TENM3: variants seen among roughly 807,000 people sequenced by gnomAD.
TENM3 encodes teneurin-3.
Under a neutral mutation model 255.1 loss-of-function variants are expected in TENM3, and 63 were observed. That is an observed-to-expected ratio of 0.25 (90% confidence interval 0.20 to 0.30). The LOEUF is 0.30. TENM3 is among the 10% of genes least tolerant of loss of function. TENM3 has a pLI of 1.00. For missense variants in TENM3, 2,929 were observed against 3,461.1 expected, an observed-to-expected ratio of 0.85 and a Z score of 3.86; for synonymous variants, 1,306 against 1,322.3, an observed-to-expected ratio of 0.99 and a Z score of 0.27.
intron 1 of TENM3, among the ~76,000 whole-genome samples, chr4:182,157,780 C>G (rs1321607483): frequency 6.6e-6 from 1 of 152,106 alleles, no homozygotes; most frequent in Non-Finnish European, 1.5e-5. Context: ...AAGGGCGTTC[C>G]AGGAGAGGGA....
At chr4:182,386,786 C>T (rs545320290) in intron 3 of TENM3, among the ~76,000 whole-genome samples, 4 of 152,350 alleles carry the variant, frequency 2.6e-5, no homozygotes, top group South Asian at 2.1e-4. Flanking sequence ...GCTGCCTTCC[C>T]GCGGGGCAGG....
chr4:181,669,867 T>G, the TENM3 span, among the ~76,000 whole-genome samples: 60,653 of 151,950 alleles, frequency 0.4, 12,520 homozygotes, highest in African/African-American at 0.48. Flanking sequence ...CTTCGGTGTG[T>G]ATCAGCCTGC....
the TENM3 span, among the ~76,000 whole-genome samples, chr4:181,875,725 G>A: frequency 5.3e-5 from 8 of 152,130 alleles, no homozygotes; most frequent in Admixed American, 3.3e-4. Flanking sequence ...GATGGACAGA[G>A]GCCATAAAGT....
At chr4:182,591,196 T>C (rs1746605454) in intron 3 of TENM3, among the ~76,000 whole-genome samples, 1 of 152,140 alleles carries the variant, frequency 6.6e-6, no homozygotes. Flanking sequence ...TTAGGTAATC[T>C]AGGTTGCCGC....
intron 3 of TENM3, among the ~76,000 whole-genome samples, chr4:182,593,688 G>C (rs903383017): frequency 6.6e-6 from 1 of 152,158 alleles, no homozygotes; most frequent in Non-Finnish European, 1.5e-5. Flanking sequence ...GTGCACACCT[G>C]CTGAAAGCGA....
chr4:181,533,577 C>T, the TENM3 span, among the ~76,000 whole-genome samples: 233 of 152,240 alleles, frequency 1.5e-3, 1 homozygote, highest in Middle Eastern at 3.4e-3. Flanking sequence ...ATACGATCTT[C>T]CACTGGGGTC....
the TENM3 span, among the ~76,000 whole-genome samples, chr4:181,752,740 C>T: frequency 1.3e-5 from 2 of 150,794 alleles, no homozygotes; most frequent in Non-Finnish European, 2.9e-5. Context: ...ATGAAAAAGT[C>T]AAGTCAGCAG....
chr4:182,503,179 G>A (rs143834929), intron 3 of TENM3, among the ~76,000 whole-genome samples: 99 of 152,178 alleles, frequency 6.5e-4, no homozygotes, highest in African/African-American at 2.2e-3. Context: ...GTGGTTTCTT[G>A]CTTTGGGTGA....
At chr4:182,147,012 G>T (rs1432257993) in intron 1 of TENM3, among the ~76,000 whole-genome samples, 1 of 152,092 alleles carries the variant, frequency 6.6e-6, no homozygotes, top group Admixed American at 6.5e-5. Flanking sequence ...GAAAGATAAG[G>T]ATGCTTATCT....
intron 1 of TENM3, among the ~76,000 whole-genome samples, chr4:182,299,145 G>A (rs888790723): frequency 6.6e-6 from 1 of 151,858 alleles, no homozygotes; most frequent in Non-Finnish European, 1.5e-5. Flanking sequence ...AAAAACACCA[G>A]ATTATCTAAT....
At chr4:182,518,093 A>G (rs1341578589) in intron 3 of TENM3, among the ~76,000 whole-genome samples, 2 of 152,078 alleles carry the variant, frequency 1.3e-5, no homozygotes, top group African/African-American at 4.8e-5. Flanking sequence ...GAAGCCTTCA[A>G]TTCATATTCA....
the TENM3 span, among the ~76,000 whole-genome samples, chr4:181,960,115 CT>C: frequency 6.6e-6 from 1 of 152,262 alleles, no homozygotes; most frequent in African/African-American, 2.4e-5. Flanking sequence ...TCATTGACAT[CT>C]TTTAAAAGAA....
At chr4:182,482,061 A>T (rs575320416) in intron 3 of TENM3, among the ~76,000 whole-genome samples, 73 of 152,266 alleles carry the variant, frequency 4.8e-4, no homozygotes, top group African/African-American at 1.6e-3. Context: ...TTAAACTTAT[A>T]CTTCAGTTTT....
intron 3 of TENM3, among the ~76,000 whole-genome samples, chr4:182,474,784 C>T (rs886723147): frequency 1.5e-4 from 23 of 152,116 alleles, no homozygotes; most frequent in African/African-American, 5.6e-4. Context: ...ATGCTTTCTT[C>T]TATCATAATT....
the TENM3 span, among the ~76,000 whole-genome samples, chr4:181,983,775 TTG>T: frequency 6.6e-6 from 1 of 152,108 alleles, no homozygotes; most frequent in African/African-American, 2.4e-5. Flanking sequence ...TTACATCTAC[TTG>T]GGAAAAAAGC....
At position 182,257,282 on chromosome 4, in the gene TENM3, C is replaced by T. The variant is rs181499260; in HGVS notation, c.-76+13806C>T. Among the ~76,000 whole-genome samples the T allele has an allele frequency of 2.1e-4, 32 of 152,272 alleles. No individual in the cohort carries two copies. The East Asian group carries it at 4.4e-3, about 21-fold the overall frequency. The stretch of plus-strand genomic sequence containing the variant: ...TGCTTAATGGTAATGTCTGCATTCA[C>T]GTGTAACAGATATACATATGTGTGT... On this transcript the variant is annotated intron_variant, in intron 1 of 27. Transcript: ENST00000511685.
At chr4:182,055,625 T>G in the TENM3 span, among the ~76,000 whole-genome samples, 32,820 of 152,002 alleles carry the variant, frequency 0.22, 4,878 homozygotes, top group African/African-American at 0.43. Context: ...AGCGCTAATT[T>G]CCTGCTCTCT....
At chr4:182,340,730 T>C (rs1400821792) in intron 2 of TENM3, among the ~76,000 whole-genome samples, 4 of 152,224 alleles carry the variant, frequency 2.6e-5, no homozygotes, top group African/African-American at 9.6e-5. Flanking sequence ...GAGAGAACTC[T>C]GGAAGACATG....
chr4:182,098,878 G>T, the TENM3 span, among the ~76,000 whole-genome samples: 1 of 151,498 alleles, frequency 6.6e-6, no homozygotes, highest in Non-Finnish European at 1.5e-5. Context: ...TGATATTCCA[G>T]CTACCCTGAT....
Sources: allele counts gnomAD v4.1 joint callset (sites outside exome capture counted in the v4.1 genomes callset), GRCh38; gene constraint gnomAD v4.1.1; transcripts MANE v1.5; gene names NCBI Gene and HGNC (gene_info 2026-07-23, HGNC 2026-07-21).